CCDC149: variants seen among roughly 807,000 people sequenced by gnomAD.
CCDC149 encodes coiled-coil domain-containing protein 149.
CCDC149 carries 45 observed loss-of-function variants against 59.9 expected under a neutral mutation model. That is an observed-to-expected ratio of 0.75 (90% CI 0.59 to 0.96). The LOEUF is 0.96. Among genes scored for constraint, CCDC149 ranks in the 40% least tolerant of loss-of-function variants. The pLI is 0.00. For missense variants in CCDC149, 584 were observed against 664.7 expected (o/e 0.88, Z 1.33); for synonymous variants, 245 against 260.6 (o/e 0.94, Z 0.58).
upstream of CCDC149, among the ~76,000 whole-genome samples, chr4:24,915,290 T>C (rs977713241): frequency 1.4e-5 from 2 of 143,106 alleles, no homozygotes; most frequent in South Asian, 2.2e-4. Context: ...TGTGGATAAA[T>C]AGACTGTAGG....
chr4:24,939,581 A>T (rs1722894346), intron 1 of CCDC149, among the ~76,000 whole-genome samples: 1 of 152,220 alleles, frequency 6.6e-6, no homozygotes, highest in Non-Finnish European at 1.5e-5. Context: ...AAGGCTTCAG[A>T]AGATCAAACT....
intron 1 of CCDC149, among the ~76,000 whole-genome samples, chr4:24,931,173 T>G (rs1435095956): frequency 6.6e-6 from 1 of 150,912 alleles, no homozygotes; most frequent in East Asian, 1.9e-4. Context: ...GATCATCATA[T>G]ATATGTATAT....
chr4:24,875,582 A>G (rs1719364736), intron 2 of CCDC149, among the ~76,000 whole-genome samples: 1 of 150,630 alleles, frequency 6.6e-6, no homozygotes, highest in African/African-American at 2.4e-5. Flanking sequence ...CAATCCTCTC[A>G]TCTCAACCTC....
intron 1 of CCDC149, among the ~76,000 whole-genome samples, chr4:24,958,555 C>A (rs1723538948): frequency 1.3e-5 from 2 of 152,108 alleles, no homozygotes; most frequent in Non-Finnish European, 2.9e-5. Flanking sequence ...CGTTAAAAGT[C>A]ATTATAATCA....
At chr4:24,817,121 C>T (rs753078503) in intron 12 of CCDC149, among the ~76,000 whole-genome samples, 11 of 152,200 alleles carry the variant, frequency 7.2e-5, no homozygotes, top group African/African-American at 2.7e-4. Flanking sequence ...CCACGACTTA[C>T]AACGCCCTTG....
At chr4:24,870,549 G>A (rs997967813) in intron 3 of CCDC149, among the ~76,000 whole-genome samples, 7 of 152,140 alleles carry the variant, frequency 4.6e-5, no homozygotes, top group African/African-American at 7.2e-5. Context: ...ACTTAATGCC[G>A]TATGAAAAGC....
chr4:24,907,065 C>A (rs1030937983), intron 1 of CCDC149, among the ~76,000 whole-genome samples: 8 of 152,156 alleles, frequency 5.3e-5, no homozygotes, highest in African/African-American at 1.4e-4. Context: ...ATTACATTTC[C>A]ACTACTCAAA....
chr4:24,949,921 G>A (rs904912788), intron 1 of CCDC149, among the ~76,000 whole-genome samples: 1 of 152,176 alleles, frequency 6.6e-6, no homozygotes, highest in Non-Finnish European at 1.5e-5. Context: ...GAACCTGCAG[G>A]TGCACAGAGG....
chr4:24,847,276 C>G (rs1404910972), intron 4 of CCDC149, among the ~76,000 whole-genome samples: 1 of 152,204 alleles, frequency 6.6e-6, no homozygotes, highest in Non-Finnish European at 1.5e-5. Context: ...CTAAAGACAA[C>G]AGCAACACTT....
chr4:24,899,228 T>C (rs908134228), intron 1 of CCDC149, among the ~76,000 whole-genome samples: 1 of 152,140 alleles, frequency 6.6e-6, no homozygotes, highest in South Asian at 2.1e-4. Flanking sequence ...AGATGGATCT[T>C]AATGAATAAG....
chr4:24,940,671 C>T (rs1341656268), intron 1 of CCDC149, among the ~76,000 whole-genome samples: 1 of 152,040 alleles, frequency 6.6e-6, no homozygotes, highest in Admixed American at 6.6e-5. Context: ...CAGAGACACA[C>T]ATAGGCTCAA....
At chr4:24,864,567 C>T (rs746938286) in intron 3 of CCDC149, among the ~76,000 whole-genome samples, 8 of 152,176 alleles carry the variant, frequency 5.3e-5, no homozygotes, top group Non-Finnish European at 1.2e-4. Flanking sequence ...CCCTAGTCTT[C>T]AAATTTTCAA....
At chr4:24,873,816 T>TGGGGGGCCCC in intron 2 of CCDC149, 97 bp from the exon 3 acceptor site, 1 of 762,722 alleles carries the variant, frequency 1.3e-6, no homozygotes, top group Non-Finnish European at 2.2e-6. Context: ...ATGTAGACTC[T>TGGGGGGCCCC]CCCCACCCTC....
In CCDC149 at chr4:24,817,353, C is replaced by T. The variant is rs1004859202; in HGVS notation, c.1192+2506G>A. Among the ~76,000 whole-genome samples, 4 of 152,144 alleles carry T rather than the reference C, an allele frequency of 2.6e-5. No homozygotes were observed. In the East Asian group the frequency reaches 7.8e-4, roughly 29 times the overall value. On this transcript the variant is annotated intron_variant, in intron 12 of 12. Transcript: ENST00000635206. ...CCACATGAGGCTGGCTGCAAAGACC[C>T]AGCCTTGCTTTCTGGCTGGTGTGGA...
intron 4 of CCDC149, among the ~76,000 whole-genome samples, chr4:24,851,264 TTTC>T (rs1333453856): frequency 6.6e-6 from 1 of 152,214 alleles, no homozygotes; most frequent in Non-Finnish European, 1.5e-5. Flanking sequence ...CTCCTTTTCT[TTTC>T]TTTCTTTTTG....
chr4:24,956,271 C>A (rs1723463166), intron 1 of CCDC149, among the ~76,000 whole-genome samples: 1 of 151,538 alleles, frequency 6.6e-6, no homozygotes, highest in Admixed American at 6.6e-5. Context: ...TGAACTTGCC[C>A]CAGGCCTGAT....
intron 1 of CCDC149, among the ~76,000 whole-genome samples, chr4:24,878,736 A>C (rs1577442439): frequency 6.6e-6 from 1 of 152,212 alleles, no homozygotes; most frequent in East Asian, 1.9e-4. Context: ...AAAAATCCTC[A>C]TGCATGAAGA....
At chr4:24,923,083 T>C (rs1053137999) in intron 1 of CCDC149, among the ~76,000 whole-genome samples, 2 of 152,212 alleles carry the variant, frequency 1.3e-5, no homozygotes, top group African/African-American at 4.8e-5. Flanking sequence ...GCGCCCCTGA[T>C]GACACTCAAG....
intron 3 of CCDC149, among the ~76,000 whole-genome samples, chr4:24,854,360 T>C (rs1230780836): frequency 2.0e-5 from 3 of 152,224 alleles, no homozygotes; most frequent in South Asian, 2.1e-4. Context: ...TCTGCTTCCA[T>C]GTGCGTTGTT....
Sources: gnomAD v4.1 joint callset for allele counts (sites outside exome capture counted in the v4.1 genomes callset) on GRCh38, gnomAD v4.1.1 for gene constraint, MANE v1.5 for transcripts, NCBI Gene and HGNC (gene_info 2026-07-23, HGNC 2026-07-21) for gene names.